Variants in CTTNBP2 observed in about 807,000 individuals in gnomAD.
CTTNBP2 encodes cortactin binding protein 2.
CTTNBP2 carries 108 observed loss-of-function variants against 156.9 expected under a neutral mutation model. The observed-to-expected ratio is 0.69, with a 90% confidence interval of 0.59 to 0.81. The LOEUF (loss-of-function observed/expected upper bound fraction) is 0.81. Among genes scored for constraint, CTTNBP2 ranks in the 30% least tolerant of loss-of-function variants. CTTNBP2 has a pLI of 0.00. For synonymous variants in CTTNBP2, 767 were observed against 751.8 expected (o/e 1.02, Z -0.33); for missense variants, 1,924 against 2,035.4 (o/e 0.95, Z 1.05).
intron 6 of CTTNBP2, among the ~76,000 whole-genome samples, chr7:117,781,056 A>T (rs1196530150): frequency 6.6e-6 from 1 of 152,230 alleles, no homozygotes; most frequent in Non-Finnish European, 1.5e-5. Context: ...CTTCTCTATA[A>T]AAGGCAGCAG....
intron 2 of CTTNBP2, among the ~76,000 whole-genome samples, chr7:117,830,307 T>A (rs1325011539): frequency 6.6e-6 from 1 of 152,210 alleles, no homozygotes; most frequent in Non-Finnish European, 1.5e-5. Flanking sequence ...TAAGTTACAA[T>A]GTTTCACTAT....
At chr7:117,778,841 T>C (rs1798250919) in intron 7 of CTTNBP2, among the ~76,000 whole-genome samples, 1 of 152,204 alleles carries the variant, frequency 6.6e-6, no homozygotes, top group Non-Finnish European at 1.5e-5. Flanking sequence ...TTTCTACCTT[T>C]AATTTCCCCT....
rs376394705 is a variant in CTTNBP2 at position 117,727,344 on chromosome 7, T to G, written c.4055+745A>C. Among the ~76,000 whole-genome samples, 159 of 152,232 alleles carry G rather than the reference T, an allele frequency of 1.0e-3. 1 individual carries two copies. The highest frequency in any genetic ancestry group is 3.5e-3 in the African/African-American group (144 of 41,540). On this transcript the variant is annotated intron_variant, in intron 17 of 22. Coordinates refer to ENST00000160373, the MANE Select transcript of CTTNBP2 (RefSeq NM_033427.3). ...CTCAATAGCTGGGACTACAGGTACA[T>G]GCCACTATGCCTGGCTAATTTTTTT...
At chr7:117,783,144 T>C (rs1584997191) in intron 5 of CTTNBP2, among the ~76,000 whole-genome samples, 183 bp from the exon 6 acceptor site, 1 of 152,226 alleles carries the variant, frequency 6.6e-6, no homozygotes, top group East Asian at 1.9e-4. Flanking sequence ...CAGCCAATTT[T>C]CCCAAAGATT....
intron 3 of CTTNBP2, among the ~76,000 whole-genome samples, chr7:117,797,687 C>T (rs1229161536): frequency 6.6e-6 from 1 of 151,928 alleles, no homozygotes; most frequent in African/African-American, 2.4e-5. Flanking sequence ...GGCTTAATAG[C>T]AGATTTGAGA....
intron 2 of CTTNBP2, among the ~76,000 whole-genome samples, chr7:117,829,071 T>C (rs1016149161): frequency 6.6e-6 from 1 of 152,202 alleles, no homozygotes; most frequent in African/African-American, 2.4e-5. Flanking sequence ...TGTTTTCTCT[T>C]CTCCAAGCTA....
In CTTNBP2 at chr7:117,730,638, G is replaced by A. The variant is rs543400418; in HGVS notation, c.3877-2371C>T. Among the ~76,000 whole-genome samples the A allele has an allele frequency of 3.3e-5, 5 of 152,258 alleles. No individual in the cohort carries two copies. In the East Asian group the frequency reaches 5.8e-4, roughly 18 times the overall value. On this transcript the variant is annotated intron_variant, in intron 16 of 22. Coordinates refer to ENST00000160373, the MANE Select transcript of CTTNBP2 (RefSeq NM_033427.3). ...CCACTTGGAAGGCACGGACTCAGAC[G>A]CTTGTACACAGTGACTATTAGTGGG...
chr7:117,799,670 G>A lies in CTTNBP2; in HGVS notation c.415-6889C>T, dbSNP rs554231664. On this transcript the variant is annotated intron_variant, in intron 3 of 22. Transcript: ENST00000160373. ...CTGCAATAATTCCAGGGCAGTGGTG[G>A]GGAAGAAGAAAAAGGCAGGCAGGCA... Among the ~76,000 whole-genome samples the A allele has an allele frequency of 4.9e-4, 74 of 151,946 alleles. 1 individual carries two copies. The highest frequency in any genetic ancestry group is 1.5e-4 in the Non-Finnish European group (10 of 67,922).
In CTTNBP2 at chr7:117,805,249, G is replaced by A. The variant is rs1031496245; in HGVS notation, c.414+5516C>T. ...TGTCTCTCAATCTTAAATGGCTTGA[G>A]GGAATGACATAAAAATCACAAAGAA... On this transcript the variant is annotated intron_variant, in intron 3 of 22. Transcript: ENST00000160373. 1.4e-4 allele frequency among the ~76,000 whole-genome samples: 22 copies of A among 152,198 alleles called. No individual in the cohort carries two copies. The East Asian group carries it at 4.1e-3, about 28-fold the overall frequency.
chr7:117,791,654 T>C lies in CTTNBP2; in HGVS notation c.1542A>G (p.Pro514=). 6.2e-7 allele frequency: 1 copy of C among 1,614,134 alleles called. No individual in the cohort carries two copies. Among genetic ancestry groups the C allele is most frequent in the Non-Finnish European group, 8.5e-7 (1 of 1,180,010 alleles). The change falls in exon 4 of 23, where the codon CCA becomes CCG. Residue 514 remains proline (P), a synonymous_variant. Transcript: ENST00000160373. ...AGAPSRPGVP[P]TGDVGTHPPV... ...GAGGGTGGGTGCCAACATCCCCTGT[T>C]GGGGGCACTCCAGGCCTTGAGGGAG...
intron 22 of CTTNBP2, among the ~76,000 whole-genome samples, chr7:117,717,140 C>CAGCTCTTGCCATTTA (rs1225086396): frequency 1.3e-5 from 2 of 152,186 alleles, no homozygotes; most frequent in Non-Finnish European, 2.9e-5. Flanking sequence ...CATGCTGTGC[C>CAGCTCTTGCCATTTA]AGCTCTTGCC....
At chr7:117,850,013 A>C (rs959019669) in intron 2 of CTTNBP2, among the ~76,000 whole-genome samples, 3 of 152,226 alleles carry the variant, frequency 2.0e-5, no homozygotes, top group African/African-American at 7.2e-5. Context: ...AGGGATACTC[A>C]TGAAGGTTAA....
rs61533705 is a variant in CTTNBP2, at chr7:117,865,671, C to CAAAAA, written c.82-4360_82-4356dup. ...TGGTGACAGAACAAGACTCCATCTC[C>CAAAAA]AAAAAAAAAAAAAAAAAAAGAAAAG... On this transcript the variant is annotated intron_variant, in intron 1 of 22. Transcript: ENST00000160373. Among the ~76,000 whole-genome samples the CAAAAA allele has an allele frequency of 5.7e-4, 42 of 74,262 alleles. 1 individual carries two copies. The highest frequency in any genetic ancestry group is 2.4e-3 in the East Asian group (6 of 2,498). The allele number at this position is 74,262 out of a possible 152,430, so 48.7% of individuals were successfully genotyped here.
chr7:117,828,762 A>T (rs1042988508), intron 2 of CTTNBP2, among the ~76,000 whole-genome samples: 3 of 152,202 alleles, frequency 2.0e-5, no homozygotes, highest in Non-Finnish European at 2.9e-5. Flanking sequence ...ATGTGTATAC[A>T]ATTTTTCTCC....
chr7:117,721,163 A>G, intron 19 of CTTNBP2, 33 bp from the exon 20 acceptor site: 1 of 1,232,394 alleles, frequency 8.1e-7, no homozygotes, highest in African/African-American at 1.5e-5. Flanking sequence ...TCAATAGATC[A>G]TTATCCCTGT....
chr7:117,719,424 CT>C, intron 21 of CTTNBP2, 79 bp downstream of exon 21: 2 of 1,336,292 alleles, frequency 1.5e-6, no homozygotes, highest in Non-Finnish European at 2.0e-6. Flanking sequence ...TAAGGAATTT[CT>C]TTTAGGGAAT....
chr7:117,858,458 A>G (rs1223517333), intron 2 of CTTNBP2, among the ~76,000 whole-genome samples: 1 of 152,248 alleles, frequency 6.6e-6, no homozygotes, highest in Non-Finnish European at 1.5e-5. Flanking sequence ...ATGAACTGGA[A>G]GCTCTTATGC....
At chr7:117,789,398 A>G (rs1312931711) in intron 4 of CTTNBP2, among the ~76,000 whole-genome samples, 1 of 152,182 alleles carries the variant, frequency 6.6e-6, no homozygotes, top group Non-Finnish European at 1.5e-5. Context: ...CATTTATGGC[A>G]ATAGCACTGC....
At chr7:117,851,122 G>C (rs141049261) in intron 2 of CTTNBP2, among the ~76,000 whole-genome samples, 154 of 152,240 alleles carry the variant, frequency 1.0e-3, no homozygotes, top group African/African-American at 3.3e-3. Context: ...GCACTCTTAA[G>C]CTTAGCATGG....
Sources: gnomAD v4.1 joint callset for allele counts (sites outside exome capture counted in the v4.1 genomes callset) on GRCh38, gnomAD v4.1.1 for gene constraint, MANE v1.5 for transcripts, NCBI Gene and HGNC (gene_info 2026-07-23, HGNC 2026-07-21) for gene names.